Variants in PLAC1 observed in about 807,000 individuals in gnomAD.
The protein encoded by PLAC1 is placenta-specific protein 1.
For synonymous variants in PLAC1, 68 were observed against 62.1 expected (o/e 1.09, Z -0.44); for missense variants, 136 against 163.2 (o/e 0.83, Z 0.91).
chrX:134,567,189 G>A (rs1259120672), intron 2 of PLAC1, among the ~76,000 whole-genome samples: 1 of 112,000 alleles, frequency 8.9e-6, no homozygotes, highest in Non-Finnish European at 1.9e-5. Context: ...TTTTGTTGTT[G>A]TTACAACAGA....
Position 134,687,815 on chromosome X carries a change from CATATATATATATATATATATATAT to C in PLAC1, n.174+45596_174+45619del, listed in dbSNP as rs56675396. Among the ~76,000 whole-genome samples, 130 of 31,143 alleles carry C rather than the reference CATATATATATATATATATATATAT, an allele frequency of 4.2e-3. 2 individuals are homozygous for C. The South Asian group carries it at 0.049, about 12-fold the overall frequency. 27.0% of individuals were successfully genotyped at this position (31,143 alleles called of 115,157 possible). On this transcript the variant is annotated intron_variant and non_coding_transcript_variant, in intron 2 of 2. Coordinates refer to the PLAC1 transcript ENST00000466797. ...TAAGTTTGTTTTAGGACTGAGATAACATATATATATATATATATATATATATATATATATATATATATATATATA... is the reference window on the plus strand; with the variant it reads ...TAAGTTTGTTTTAGGACTGAGATAACATATATATATATATATATATATATA...
At chrX:134,581,910 C>T (rs1569377093) in intron 2 of PLAC1, among the ~76,000 whole-genome samples, 1 of 112,041 alleles carries the variant, frequency 8.9e-6, no homozygotes. Flanking sequence ...AAGTGCTGGC[C>T]TATTAGAGGG....
chrX:134,623,437 C>T (rs1346548467), intron 1 of PLAC1, among the ~76,000 whole-genome samples: 2 of 112,589 alleles, frequency 1.8e-5, no homozygotes, highest in Non-Finnish European at 3.7e-5. Flanking sequence ...GTGTGCTACA[C>T]GTTGTTCTAA....
intron 2 of PLAC1, among the ~76,000 whole-genome samples, chrX:134,578,447 C>A (rs2124357583): frequency 1.2e-5 from 1 of 85,337 alleles, no homozygotes; most frequent in Non-Finnish European, 2.4e-5. Context: ...AAAAAAAACT[C>A]AGAATGGAGC....
intron 2 of PLAC1, among the ~76,000 whole-genome samples, chrX:134,576,191 T>C (rs1191614071): frequency 1.8e-5 from 2 of 108,470 alleles, no homozygotes; most frequent in Non-Finnish European, 3.8e-5. Context: ...ATCTATTCTA[T>C]ATCTATATAT....
chrX:134,701,854 C>T (rs2078584430), intron 2 of PLAC1, among the ~76,000 whole-genome samples: 2 of 111,714 alleles, frequency 1.8e-5, no homozygotes, highest in Non-Finnish European at 3.8e-5. Flanking sequence ...ACAGTCTCTA[C>T]TGAAAATACA....
intron 2 of PLAC1, among the ~76,000 whole-genome samples, chrX:134,722,792 T>A (rs1211689396): frequency 1.8e-5 from 2 of 111,862 alleles, no homozygotes; most frequent in African/African-American, 6.5e-5. Context: ...ATAAAACTTT[T>A]AAATTTTCTT....
At chrX:134,659,657 A>G (rs1433197052), upstream of PLAC1, among the ~76,000 whole-genome samples, 3 of 112,529 alleles carry the variant, frequency 2.7e-5, no homozygotes, top group African/African-American at 9.7e-5. Context: ...CAGTAATTAC[A>G]CTAGCCAAGT....
intron 1 of PLAC1, among the ~76,000 whole-genome samples, chrX:134,751,381 TCAA>T (rs989366496): frequency 6.4e-5 from 7 of 109,861 alleles, no homozygotes; most frequent in African/African-American, 1.0e-4. Context: ...TGCATCACCA[TCAA>T]CAACAACAAC....
intron 1 of PLAC1, among the ~76,000 whole-genome samples, chrX:134,763,538 A>T (rs1451285367): frequency 9.0e-6 from 1 of 111,456 alleles, no homozygotes; most frequent in African/African-American, 3.3e-5. Flanking sequence ...AGTGCAGAAT[A>T]GGCTGGGCAC....
chrX:134,571,583 T>G (rs1436984005), intron 2 of PLAC1, among the ~76,000 whole-genome samples: 1 of 111,937 alleles, frequency 8.9e-6, no homozygotes, highest in African/African-American at 3.3e-5. Context: ...ATGAGCTCTA[T>G]TTCTTAATGT....
At chrX:134,585,545 T>TAAA (rs768103901) in intron 2 of PLAC1, among the ~76,000 whole-genome samples, 70 of 109,445 alleles carry the variant, frequency 6.4e-4, no homozygotes, top group South Asian at 1.2e-3. Context: ...TTGTTTAAGT[T>TAAA]AAAAAAAATA....
At chrX:134,660,047 A>G (rs1480774011), upstream of PLAC1, among the ~76,000 whole-genome samples, 1 of 112,109 alleles carries the variant, frequency 8.9e-6, no homozygotes. Flanking sequence ...CTTAAGAACC[A>G]CAGCTAATAA....
chrX:134,663,457 CGCGTGCACGT>C (rs2078424390), upstream of PLAC1, among the ~76,000 whole-genome samples: 2 of 112,845 alleles, frequency 1.8e-5, no homozygotes, highest in Non-Finnish European at 3.8e-5. Context: ...TGCGCGCACG[CGCGTGCACGT>C]GTGCACACGT....
At chrX:134,694,648 A>G (rs2078556362) in intron 2 of PLAC1, among the ~76,000 whole-genome samples, 1 of 112,234 alleles carries the variant, frequency 8.9e-6, no homozygotes, top group Non-Finnish European at 1.9e-5. Context: ...GTACGAAGGA[A>G]ATATTTAGGC....
intron 1 of PLAC1, among the ~76,000 whole-genome samples, chrX:134,650,154 A>T (rs1474569904): frequency 8.9e-6 from 1 of 112,459 alleles, no homozygotes; most frequent in Non-Finnish European, 1.9e-5. Flanking sequence ...TCTTTATAGA[A>T]TCTAAGCATA....
rs1254775738 is a variant in PLAC1 at position 134,641,340 on chromosome X, C to T, written c.-131+16988G>A. The stretch of plus-strand genomic sequence containing the variant: ...TCAGTCCATTACCTTTTCCTAGCAC[C>T]ACCATGAGCCTGCATGGTTCCCTGT... On this transcript the variant is annotated intron_variant, in intron 1 of 2. Coordinates refer to ENST00000359237, the MANE Select transcript of PLAC1 (RefSeq NM_021796.4). 2.7e-5 allele frequency among the ~76,000 whole-genome samples: 3 copies of T among 112,239 alleles called. No homozygotes were observed. The Admixed American group carries it at 2.8e-4, about 11-fold the overall frequency.
intron 2 of PLAC1, among the ~76,000 whole-genome samples, chrX:134,667,043 T>C (rs1448876773): frequency 8.9e-6 from 1 of 111,795 alleles, no homozygotes; most frequent in Non-Finnish European, 1.9e-5. Context: ...TAAAAGTATA[T>C]CAAAGGTCAA....
chrX:134,666,185 G>T (rs765764629), intron 2 of PLAC1, among the ~76,000 whole-genome samples: 1 of 111,445 alleles, frequency 9.0e-6, no homozygotes, highest in South Asian at 3.8e-4. Flanking sequence ...TTATAGTCAA[G>T]AGGTCAAGAA....
Sources: gnomAD v4.1 joint callset for allele counts (sites outside exome capture counted in the v4.1 genomes callset) on GRCh38, gnomAD v4.1.1 for gene constraint, MANE v1.5 for transcripts, NCBI Gene and HGNC (gene_info 2026-07-23, HGNC 2026-07-21) for gene names.